GTF2H5: variants seen among roughly 807,000 people sequenced by gnomAD.
GTF2H5 encodes the protein TFB5 ortholog.
A neutral mutation model predicts 7.1 loss-of-function variants in GTF2H5; 5 were observed. The ratio of observed to expected loss-of-function variants is 0.71; its 90% CI spans 0.37 to 1.49. GTF2H5 has a LOEUF of 1.49. Ranked by LOEUF, GTF2H5 falls within the 40% of genes most tolerant of loss-of-function variation. The pLI, the probability that GTF2H5 is intolerant of heterozygous loss-of-function variation, is 0.03. For synonymous variants in GTF2H5, 30 were observed against 31.7 expected (o/e 0.95, Z 0.18); for missense variants, 80 against 83.0 (o/e 0.96, Z 0.14).
chr6:158,180,354 C>T (rs1785993437), intron 2 of GTF2H5, among the ~76,000 whole-genome samples: 1 of 152,068 alleles, frequency 6.6e-6, no homozygotes, highest in African/African-American at 2.4e-5. Flanking sequence ...GTGTTTCTGC[C>T]AGGGTTTGGT....
rs1289814190 is a variant in GTF2H5 at position 158,169,660 on chromosome 6, ATATAT to A, written c.-34-808_-34-804del. 1.9e-4 allele frequency among the ~76,000 whole-genome samples: 16 copies of A among 84,658 alleles called. 1 individual carries two copies. Among genetic ancestry groups the A allele is most frequent in the African/African-American group, 5.5e-4 (10 of 18,288 alleles). 55.5% of individuals were successfully genotyped at this position (84,658 alleles called of 152,430 possible). A position where few individuals can be genotyped will look rare whatever the true frequency, so the allele number is the denominator to read the frequency against. On this transcript the variant is annotated intron_variant, in intron 1 of 2. Coordinates refer to ENST00000607778, the MANE Select transcript of GTF2H5 (RefSeq NM_207118.3). ...TTACATATATTGTATATTACATATA[ATATAT>A]TGTATATTATATAATATATAATATA...
chr6:158,174,012 A>G (rs1446761732), intron 2 of GTF2H5, among the ~76,000 whole-genome samples: 10 of 152,094 alleles, frequency 6.6e-5, no homozygotes, highest in African/African-American at 2.4e-4. Flanking sequence ...GGTGGTTTTT[A>G]GCGTGCGCAT....
chr6:158,190,182 A>G (rs1346657093), intron 2 of GTF2H5, among the ~76,000 whole-genome samples: 3 of 151,974 alleles, frequency 2.0e-5, no homozygotes, highest in African/African-American at 4.8e-5. Context: ...GGATTACAGC[A>G]TGAGCCACCA....
At chr6:158,190,419 A>G (rs1777007209) in intron 2 of GTF2H5, among the ~76,000 whole-genome samples, 1 of 152,106 alleles carries the variant, frequency 6.6e-6, no homozygotes, top group Middle Eastern at 3.2e-3. Context: ...TACCACCTAC[A>G]TCAAAATCAT....
intron 2 of GTF2H5, among the ~76,000 whole-genome samples, chr6:158,188,770 GT>G (rs1033895802): frequency 1.3e-5 from 2 of 152,134 alleles, no homozygotes; most frequent in South Asian, 2.1e-4. Context: ...GTCACCAGCT[GT>G]TGTTGCCATT....
At position 158,192,248 on chromosome 6, in the gene GTF2H5, G is replaced by C; in HGVS notation, c.*91G>C. ...CTTAGGTGACTGATTAGACATAGAG[G>C]GTTGTTTTAGGAGCATGCCACGGGA... On this transcript the variant is annotated 3_prime_UTR_variant, in exon 3 of 3. Coordinates refer to ENST00000607778, the MANE Select transcript of GTF2H5 (RefSeq NM_207118.3). 1 of 981,966 alleles carries C rather than the reference G, an allele frequency of 1.0e-6. No individual in the cohort carries two copies. Among genetic ancestry groups the C allele is most frequent in the South Asian group, 1.3e-5 (1 of 75,312 alleles). 60.8% of individuals were successfully genotyped at this position (981,966 alleles called of 1,614,324 possible).
intron 2 of GTF2H5, among the ~76,000 whole-genome samples, chr6:158,175,880 T>C (rs949016534): frequency 1.3e-5 from 2 of 152,224 alleles, no homozygotes. Context: ...AATATAGCTG[T>C]TAAAATATTT....
intron 2 of GTF2H5, among the ~76,000 whole-genome samples, chr6:158,178,552 G>A (rs1227712884): frequency 6.6e-6 from 1 of 151,488 alleles, no homozygotes; most frequent in Admixed American, 6.6e-5. Flanking sequence ...TCTAACTGGT[G>A]TGAGATGGTA....
chr6:158,179,694 T>C (rs2128430219), intron 2 of GTF2H5, among the ~76,000 whole-genome samples: 1 of 152,346 alleles, frequency 6.6e-6, no homozygotes, highest in Admixed American at 6.5e-5. Context: ...TGATTTTGTA[T>C]CCTGAAACTT....
intron 2 of GTF2H5, among the ~76,000 whole-genome samples, chr6:158,191,328 G>A (rs533798710): frequency 2.0e-5 from 3 of 152,268 alleles, no homozygotes; most frequent in Admixed American, 6.5e-5. Context: ...GCATAGACAA[G>A]GAAGAAATTC....
At chr6:158,186,987 GTGTTT>G (rs913435166) in intron 2 of GTF2H5, among the ~76,000 whole-genome samples, 10 of 150,750 alleles carry the variant, frequency 6.6e-5, no homozygotes, top group Non-Finnish European at 1.3e-4. Flanking sequence ...GTTTTGTTTT[GTGTTT>G]TGTTTTGTTT....
rs890503253 is a variant in GTF2H5, at chr6:158,193,752, T to C, written c.*1595T>C. On this transcript the variant is annotated 3_prime_UTR_variant, in exon 3 of 3. Coordinates refer to ENST00000607778, the MANE Select transcript of GTF2H5 (RefSeq NM_207118.3). Reference sequence around the variant, plus strand: ...GCTCACGCCTGTAATCCCAGCACTTTGGGAGGCTGAGGCAGGCAGCTCACG... The same window carrying C: ...GCTCACGCCTGTAATCCCAGCACTTCGGGAGGCTGAGGCAGGCAGCTCACG... The C allele has an allele frequency of 1.3e-5, 2 of 152,086 alleles. No individual in the cohort carries two copies. The highest frequency in any genetic ancestry group is 4.8e-5 in the African/African-American group (2 of 41,398). The allele number at this position is 152,086 out of a possible 1,614,324, so 9.4% of individuals were successfully genotyped here.
At chr6:158,172,398 G>T (rs1367239446) in intron 2 of GTF2H5, among the ~76,000 whole-genome samples, 2 of 151,614 alleles carry the variant, frequency 1.3e-5, no homozygotes, top group African/African-American at 4.8e-5. Flanking sequence ...GGATTCAAGC[G>T]ATACTGCTGC....
chr6:158,192,048 A>G lies in GTF2H5; in HGVS notation c.107A>G (p.Gln36Arg), dbSNP rs369754503. The change falls in exon 3 of 3, where the codon CAA (glutamine) becomes CGA (arginine). Residue 36 changes from glutamine (Q) to arginine (R), a missense_variant. By Grantham distance (43) the Gln-to-Arg change is conservative. Coordinates refer to ENST00000607778, the MANE Select transcript of GTF2H5 (RefSeq NM_207118.3). ...SNALGKKFIIQDIDDTHVFVI... is the reference protein window; with the variant it reads ...SNALGKKFIIRDIDDTHVFVI... ...GCCCTGGGGAAGAAGTTCATCATTC[A>G]AGACATTGATGACACTCACGTCTTT... is the stretch of plus-strand genomic sequence containing the variant. The G allele has an allele frequency of 6.8e-6, 11 of 1,613,074 alleles. No homozygotes were observed. The highest frequency in any genetic ancestry group is 2.2e-5 in the East Asian group (1 of 44,874).
intron 1 of GTF2H5, among the ~76,000 whole-genome samples, chr6:158,169,829 GTA>G (rs1181394108): frequency 1.4e-5 from 1 of 71,946 alleles, no homozygotes; most frequent in Non-Finnish European, 2.5e-5. Flanking sequence ...ATAAAAGTGT[GTA>G]TATATATACA....
chr6:158,188,879 C>G (rs1776975069), intron 2 of GTF2H5, among the ~76,000 whole-genome samples: 1 of 152,004 alleles, frequency 6.6e-6, no homozygotes. Context: ...CCACAGACTC[C>G]CAAGCTATCT....
chr6:158,193,952 G>A lies in GTF2H5; in HGVS notation c.*1795G>A. 7.6e-6 allele frequency: 1 copy of A among 132,266 alleles called. No homozygotes were observed. Among genetic ancestry groups the A allele is most frequent in the Non-Finnish European group, 1.5e-5 (1 of 65,744 alleles). 8.2% of individuals were successfully genotyped at this position (132,266 alleles called of 1,614,324 possible). On this transcript the variant is annotated 3_prime_UTR_variant, in exon 3 of 3. Coordinates refer to ENST00000607778, the MANE Select transcript of GTF2H5 (RefSeq NM_207118.3). Reference sequence around the variant, plus strand: ...TGCAGTAAGCTGAGATTGTGCCACTGCACTCCAGCCTGGGCGACAGAGGGA... The same window carrying A: ...TGCAGTAAGCTGAGATTGTGCCACTACACTCCAGCCTGGGCGACAGAGGGA...
chr6:158,191,274 A>T (rs1777021523), intron 2 of GTF2H5, among the ~76,000 whole-genome samples: 1 of 152,320 alleles, frequency 6.6e-6, no homozygotes, highest in South Asian at 2.1e-4. Context: ...TTAATTTGTC[A>T]CTGGTAAAAC....
intron 2 of GTF2H5, among the ~76,000 whole-genome samples, chr6:158,173,288 C>T (rs1366634088): frequency 6.6e-6 from 1 of 152,096 alleles, no homozygotes; most frequent in Non-Finnish European, 1.5e-5. Context: ...GTAGTCTGCA[C>T]AATTTTTCAA....
Sources: allele counts gnomAD v4.1 joint callset (sites outside exome capture counted in the v4.1 genomes callset), GRCh38; gene constraint gnomAD v4.1.1; transcripts MANE v1.5; gene names NCBI Gene and HGNC (gene_info 2026-07-23, HGNC 2026-07-21).